The following RUNX1 variants were observed in gnomAD, a reference collection of about 807,000 sequenced individuals.
RUNX1 encodes runt-related transcription factor 1.
In RUNX1, 19 loss-of-function variants were observed where a neutral mutation model predicts 42.8. The observed-to-expected ratio is 0.44, with a 90% CI of 0.31 to 0.65. The LOEUF (loss-of-function observed/expected upper bound fraction) is 0.65. Ranked by LOEUF, RUNX1 falls within the 30% of genes least tolerant of loss-of-function variation. The probability of loss-of-function intolerance (pLI) is 0.07; values close to 1 mark genes in which losing one functional copy is unlikely to be tolerated. For missense variants in RUNX1, 528 were observed against 672.0 expected (o/e 0.79, Z 2.37); for synonymous variants, 271 against 289.4 (o/e 0.94, Z 0.64).
intron 3 of RUNX1, chr21:34,888,788 T>G: frequency 1.5e-6 from 1 of 671,046 alleles, no homozygotes; most frequent in Non-Finnish European, 1.9e-6. Flanking sequence ...CGGCGGCCAA[T>G]CACAGGCCTT....
intron 6 of RUNX1, among the ~76,000 whole-genome samples, chr21:34,836,812 T>G (rs2057153726): frequency 6.6e-6 from 1 of 152,174 alleles, no homozygotes; most frequent in Non-Finnish European, 1.5e-5. Flanking sequence ...GAGGTCATTC[T>G]GAATACACAG....
At chr21:34,875,488 C>G (rs1339132340) in intron 5 of RUNX1, among the ~76,000 whole-genome samples, 1 of 151,690 alleles carries the variant, frequency 6.6e-6, no homozygotes, top group Non-Finnish European at 1.5e-5. Flanking sequence ...AAGTGTAGAT[C>G]AGTATGTAAC....
chr21:34,914,861 C>G (rs2058299927), intron 2 of RUNX1, among the ~76,000 whole-genome samples: 1 of 152,204 alleles, frequency 6.6e-6, no homozygotes. Context: ...TGATTTGGAA[C>G]TCAAGAGGGC....
At chr21:35,041,008 A>G (rs2059355111) in intron 2 of RUNX1, among the ~76,000 whole-genome samples, 1 of 152,212 alleles carries the variant, frequency 6.6e-6, no homozygotes, top group Non-Finnish European at 1.5e-5. Flanking sequence ...GAGCTGATCA[A>G]GACCCACGTA....
rs78050682 is a variant in RUNX1, at chr21:34,951,399, G to T, written c.59-58436C>A. On this transcript the variant is annotated intron_variant, in intron 2 of 8. Coordinates refer to ENST00000675419, the MANE Select transcript of RUNX1 (RefSeq NM_001754.5). Reference sequence around the variant, plus strand: ...CCATTTGTCAATTTTGGCTTTTGTTGCCATTGCTTTTGGTGTTTTAGACAT... The same window carrying T: ...CCATTTGTCAATTTTGGCTTTTGTTTCCATTGCTTTTGGTGTTTTAGACAT... Among the ~76,000 whole-genome samples, 288 of 152,242 alleles carry T rather than the reference G, an allele frequency of 1.9e-3. 12 individuals are homozygous for T. In the East Asian group the frequency reaches 0.048, roughly 25 times the overall value.
chr21:34,990,421 T>C (rs1020022546), intron 2 of RUNX1, among the ~76,000 whole-genome samples: 2 of 152,152 alleles, frequency 1.3e-5, no homozygotes, highest in African/African-American at 4.8e-5. Flanking sequence ...GTGACATTCC[T>C]GGTGCTAAAA....
At chr21:34,990,132 T>C (rs1217914764) in intron 2 of RUNX1, among the ~76,000 whole-genome samples, 1 of 152,188 alleles carries the variant, frequency 6.6e-6, no homozygotes, top group Non-Finnish European at 1.5e-5. Context: ...TGCACTGAGC[T>C]GCTCCCTCCT....
chr21:34,945,970 T>A (rs1474313069), intron 2 of RUNX1, among the ~76,000 whole-genome samples: 1 of 152,182 alleles, frequency 6.6e-6, no homozygotes, highest in Non-Finnish European at 1.5e-5. Context: ...TCACCAAGGA[T>A]CTTCTCTTCC....
chr21:34,936,238 CATTT>C (rs1487934899), intron 2 of RUNX1, among the ~76,000 whole-genome samples: 1 of 151,812 alleles, frequency 6.6e-6, no homozygotes, highest in Non-Finnish European at 1.5e-5. Context: ...CCCTCATATT[CATTT>C]GTGATAACTA....
chr21:34,987,221 T>C (rs2058894847), intron 2 of RUNX1, among the ~76,000 whole-genome samples: 1 of 152,218 alleles, frequency 6.6e-6, no homozygotes, highest in Admixed American at 6.5e-5. Context: ...CTGTGAATCA[T>C]TGCTGAAAGA....
At chr21:34,983,070 T>C (rs1410899102) in intron 2 of RUNX1, among the ~76,000 whole-genome samples, 1 of 152,182 alleles carries the variant, frequency 6.6e-6, no homozygotes. Flanking sequence ...CTCTCATCCA[T>C]GATGTCTGGT....
At chr21:34,819,485 G>A (rs2056877227) in intron 7 of RUNX1, among the ~76,000 whole-genome samples, 1 of 152,240 alleles carries the variant, frequency 6.6e-6, no homozygotes, top group Non-Finnish European at 1.5e-5. Context: ...AGGGGGCCCA[G>A]AAGCCACCCG....
intron 7 of RUNX1, among the ~76,000 whole-genome samples, chr21:34,823,430 G>GTTTTTTTTTTTTTT (rs56957776): frequency 1.7e-4 from 17 of 99,664 alleles, no homozygotes; most frequent in African/African-American, 4.6e-4. Flanking sequence ...TTCCTGGTGG[G>GTTTTTTTTTTTTTT]TTTTTTTTTT....
intron 2 of RUNX1, among the ~76,000 whole-genome samples, chr21:34,931,339 T>C (rs904853440): frequency 1.4e-5 from 2 of 144,730 alleles, no homozygotes; most frequent in Admixed American, 6.9e-5. Flanking sequence ...TACACATTTA[T>C]ATATATATAT....
chr21:34,872,675 G>A (rs770396658), intron 5 of RUNX1, among the ~76,000 whole-genome samples: 7 of 152,256 alleles, frequency 4.6e-5, no homozygotes, highest in East Asian at 1.9e-4. Flanking sequence ...TGATCAGGGC[G>A]AGATCACGCA....
chr21:34,853,552 AG>A (rs1232819406), intron 6 of RUNX1, among the ~76,000 whole-genome samples: 1 of 152,224 alleles, frequency 6.6e-6, no homozygotes, highest in Non-Finnish European at 1.5e-5. Context: ...ACTTTGGGCA[AG>A]GTATACGATT....
intron 2 of RUNX1, among the ~76,000 whole-genome samples, chr21:34,939,115 A>C (rs1414138566): frequency 6.6e-6 from 1 of 152,222 alleles, no homozygotes; most frequent in Non-Finnish European, 1.5e-5. Flanking sequence ...AAAACAAGTA[A>C]ATGGTTGCTG....
chr21:35,036,330 T>G (rs2294162), intron 2 of RUNX1, among the ~76,000 whole-genome samples: 49,638 of 152,038 alleles, frequency 0.33, 8,353 homozygotes, highest in Non-Finnish European at 0.37. Context: ...ATCTTTTAAT[T>G]TGTCCCATTA....
At chr21:34,919,344 C>T (rs1223572261) in intron 2 of RUNX1, among the ~76,000 whole-genome samples, 2 of 152,166 alleles carry the variant, frequency 1.3e-5, no homozygotes, top group Non-Finnish European at 2.9e-5. Context: ...CAGTGAGAAC[C>T]AAGACAACTA....
Sources: gnomAD v4.1 joint callset for allele counts (sites outside exome capture counted in the v4.1 genomes callset) on GRCh38, gnomAD v4.1.1 for gene constraint, MANE v1.5 for transcripts, NCBI Gene and HGNC (gene_info 2026-07-23, HGNC 2026-07-21) for gene names.